Variants in SAE1 observed in about 807,000 individuals in gnomAD.
SAE1 encodes SUMO-activating enzyme subunit 1.
Under a neutral mutation model 40.6 loss-of-function variants are expected in SAE1, and 11 were observed. The ratio of observed to expected loss-of-function variants is 0.27; its 90% CI spans 0.17 to 0.45. The LOEUF is 0.45. Ranked by LOEUF, SAE1 falls within the 20% of genes least tolerant of loss-of-function variation. The probability of loss-of-function intolerance (pLI) is 1.00; values close to 1 mark genes in which losing one functional copy is unlikely to be tolerated. For synonymous variants in SAE1, 155 were observed against 154.3 expected (o/e 1.00, Z -0.03); for missense variants, 373 against 427.3 (o/e 0.87, Z 1.12).
intron 5 of SAE1, among the ~76,000 whole-genome samples, chr19:47,156,901 G>A (rs2058327898): frequency 6.6e-6 from 1 of 152,166 alleles, no homozygotes; most frequent in East Asian, 1.9e-4. Context: ...ATGCGATGGG[G>A]AAAGCAAGAT....
intron 5 of SAE1, among the ~76,000 whole-genome samples, chr19:47,167,454 A>C (rs1003149972): frequency 2.7e-5 from 4 of 149,406 alleles, no homozygotes; most frequent in Non-Finnish European, 5.9e-5. Flanking sequence ...GTTAGCCAGG[A>C]TGGTCTCGAT....
At chr19:47,131,890 G>C (rs1291868586) in intron 1 of SAE1, among the ~76,000 whole-genome samples, 1 of 151,554 alleles carries the variant, frequency 6.6e-6, no homozygotes, top group Non-Finnish European at 1.5e-5. Context: ...TAGTAGACAC[G>C]GGGTTTCGCC....
chr19:47,148,013 G>A (rs2058265218), intron 2 of SAE1, among the ~76,000 whole-genome samples: 2 of 151,940 alleles, frequency 1.3e-5, no homozygotes, highest in African/African-American at 4.8e-5. Flanking sequence ...GCCTGCCTTG[G>A]CCTCCCAAAG....
At chr19:47,182,492 T>C (rs534649755) in intron 6 of SAE1, among the ~76,000 whole-genome samples, 131 of 140,398 alleles carry the variant, frequency 9.3e-4, no homozygotes, top group African/African-American at 3.7e-3. Flanking sequence ...TGTGTGTGTG[T>C]GTGTGCGCGC....
chr19:47,203,284 C>T (rs2058665568), intron 7 of SAE1, among the ~76,000 whole-genome samples: 2 of 152,224 alleles, frequency 1.3e-5, no homozygotes, highest in South Asian at 2.1e-4. Context: ...TGACATTTGT[C>T]TGGGAATAGC....
In SAE1 at chr19:47,203,665, T is replaced by C; in HGVS notation, c.879-6T>C. The stretch of plus-strand genomic sequence containing the variant: ...GCTCCATTTTCCTTGTCTTCCTCTC[T>C]TTTAGGTACTGCTTCTCCGAGATGG... On this transcript the variant is annotated splice_polypyrimidine_tract_variant and splice_region_variant and intron_variant, in intron 7 of 8. Coordinates refer to ENST00000270225, the MANE Select transcript of SAE1 (RefSeq NM_005500.3). 1 of 1,613,812 alleles carries C rather than the reference T, an allele frequency of 6.2e-7. No homozygotes were observed. The highest frequency in any genetic ancestry group is 8.5e-7 in the Non-Finnish European group (1 of 1,179,726).
chr19:47,143,380 C>A, intron 1 of SAE1, 114 bp from the exon 2 acceptor site: 1 of 747,354 alleles, frequency 1.3e-6, no homozygotes, highest in Non-Finnish European at 2.3e-6. Context: ...GCTGGGATTA[C>A]AGGCATGAGC....
At chr19:47,195,018 C>T (rs2058604851) in intron 6 of SAE1, among the ~76,000 whole-genome samples, 1 of 149,902 alleles carries the variant, frequency 6.7e-6, no homozygotes, top group South Asian at 2.1e-4. Context: ...GCTGGGATTA[C>T]AGACGTTACA....
At chr19:47,140,924 T>C (rs779771552) in intron 1 of SAE1, among the ~76,000 whole-genome samples, 2 of 152,104 alleles carry the variant, frequency 1.3e-5, no homozygotes, top group South Asian at 2.1e-4. Flanking sequence ...TCTTGGCTCA[T>C]TGAAACCTCT....
intron 2 of SAE1, among the ~76,000 whole-genome samples, chr19:47,148,770 A>G (rs1327964491): frequency 6.6e-6 from 1 of 151,580 alleles, no homozygotes; most frequent in Non-Finnish European, 1.5e-5. Context: ...GTGTGCCACC[A>G]CGTCCGGCTA....
intron 2 of SAE1, among the ~76,000 whole-genome samples, chr19:47,148,949 G>A (rs1019602261): frequency 1.5e-4 from 23 of 151,872 alleles, no homozygotes; most frequent in Non-Finnish European, 2.8e-4. Context: ...TTCATTTCAA[G>A]CATTCTTAAT....
intron 5 of SAE1, among the ~76,000 whole-genome samples, chr19:47,163,681 C>T (rs1013657465): frequency 2.0e-5 from 3 of 152,018 alleles, no homozygotes; most frequent in African/African-American, 7.2e-5. Flanking sequence ...GAGCCAAGAT[C>T]GCACCGTTGC....
chr19:47,207,049 A>G (rs2058690221), intron 8 of SAE1, among the ~76,000 whole-genome samples: 1 of 152,162 alleles, frequency 6.6e-6, no homozygotes, highest in Non-Finnish European at 1.5e-5. Context: ...TAATTCCAGC[A>G]CTTTGGGAGG....
chr19:47,193,585 G>T (rs1324326395), intron 6 of SAE1, among the ~76,000 whole-genome samples: 4 of 151,456 alleles, frequency 2.6e-5, no homozygotes, highest in Non-Finnish European at 5.9e-5. Context: ...ACTTTGGGGG[G>T]CCAAGGTGGG....
intron 5 of SAE1, among the ~76,000 whole-genome samples, chr19:47,168,136 C>G (rs1180481562): frequency 1.3e-5 from 2 of 151,860 alleles, no homozygotes; most frequent in Non-Finnish European, 2.9e-5. Context: ...GAGGTTGCAG[C>G]GAGCTGAGAT....
In SAE1 at chr19:47,199,467, G is replaced by A. The variant is rs185596193; in HGVS notation, c.878+2090G>A. 2.6e-5 allele frequency among the ~76,000 whole-genome samples: 4 copies of A among 151,902 alleles called. No homozygotes were observed. In the East Asian group the frequency reaches 7.7e-4, roughly 29 times the overall value. On this transcript the variant is annotated intron_variant, in intron 7 of 8. Coordinates refer to ENST00000270225, the MANE Select transcript of SAE1 (RefSeq NM_005500.3). Reference sequence around the variant, plus strand: ...ACACGAGACTGAGACATGGAAAAGCGGTTTCCCCAAAGAGGGTGGGCAGGG... The same window carrying A: ...ACACGAGACTGAGACATGGAAAAGCAGTTTCCCCAAAGAGGGTGGGCAGGG...
At chr19:47,154,082 C>T (rs1201325164) in intron 4 of SAE1, among the ~76,000 whole-genome samples, 9 of 148,630 alleles carry the variant, frequency 6.1e-5, no homozygotes, top group Admixed American at 1.4e-4. Flanking sequence ...CGTGAGCCAC[C>T]GCACCCGGCT....
intron 6 of SAE1, among the ~76,000 whole-genome samples, chr19:47,184,657 C>A (rs543454656): frequency 1.2e-4 from 18 of 152,134 alleles, no homozygotes; most frequent in African/African-American, 4.3e-4. Context: ...GTGATCCACC[C>A]ACCTCAGCCT....
intron 1 of SAE1, among the ~76,000 whole-genome samples, chr19:47,133,153 A>C (rs1271047105): frequency 6.6e-6 from 1 of 152,206 alleles, no homozygotes; most frequent in Non-Finnish European, 1.5e-5. Context: ...TTTGAGGAGT[A>C]GCTTTTATTC....
Sources: gnomAD v4.1 joint callset for allele counts (sites outside exome capture counted in the v4.1 genomes callset) on GRCh38, gnomAD v4.1.1 for gene constraint, MANE v1.5 for transcripts, NCBI Gene and HGNC (gene_info 2026-07-23, HGNC 2026-07-21) for gene names.